PCDH11Y: variants seen among roughly 807,000 people sequenced by gnomAD.
PCDH11Y encodes the protein protocadherin-11 Y-linked.
For synonymous variants in PCDH11Y, 9 were observed against 83.6 expected (o/e 0.11, Z 4.87); for missense variants, 12 against 224.8 (o/e 0.05, Z 6.05).
intron 2 of PCDH11Y, among the ~76,000 whole-genome samples, chrY:5,261,131 T>C (rs2053017744): frequency 3.0e-5 from 1 of 33,156 alleles, no homozygotes; most frequent in Non-Finnish European, 7.4e-5. Flanking sequence ...CCTCGTGGAA[T>C]TGTAAGTCCA....
At chrY:5,511,135 AG>A (rs2053364706) in intron 3 of PCDH11Y, among the ~76,000 whole-genome samples, 1 of 32,829 alleles carries the variant, frequency 3.0e-5, no homozygotes, top group African/African-American at 1.2e-4. Context: ...CTTCTATAAA[AG>A]CTACTTTTAC....
chrY:5,099,157 A>T, exon 2 of PCDH11Y: 1 of 399,121 alleles, frequency 2.5e-6, no homozygotes, highest in Non-Finnish European at 3.5e-6. Flanking sequence ...GGATGCAGAC[A>T]GTGGGCCTAA....
At chrY:5,459,203 G>A in intron 2 of PCDH11Y, among the ~76,000 whole-genome samples, 2 of 32,096 alleles carry the variant, frequency 6.2e-5, no homozygotes, top group Admixed American at 2.9e-4. Context: ...ATGTTTACTA[G>A]TTCTTTTCTA....
exon 5 of PCDH11Y, chrY:5,739,238 T>A (rs1602966119): frequency 3.0e-5 from 1 of 32,917 alleles, no homozygotes; most frequent in African/African-American, 1.2e-4. Context: ...AAATCTCATA[T>A]ATGAAATAAA....
At chrY:5,350,086 T>C (rs2053156183) in intron 2 of PCDH11Y, among the ~76,000 whole-genome samples, 1 of 32,664 alleles carries the variant, frequency 3.1e-5, no homozygotes, top group Non-Finnish European at 7.5e-5. Flanking sequence ...TAGACAATAG[T>C]AATTATTGTG....
intron 3 of PCDH11Y, among the ~76,000 whole-genome samples, chrY:5,047,102 C>T (rs1602849604): frequency 3.1e-5 from 1 of 32,737 alleles, no homozygotes; most frequent in Non-Finnish European, 7.4e-5. Context: ...AGCTGTAGAC[C>T]GGAGCTGTTC....
At chrY:5,562,767 C>CAA (rs1317509689) in intron 3 of PCDH11Y, among the ~76,000 whole-genome samples, 27 of 1,683 alleles carry the variant, frequency 0.016, no homozygotes, top group Admixed American at 0.019. Flanking sequence ...GACTCCGTCT[C>CAA]AAAAAAAAAA....
chrY:5,689,055 A>G, intron 4 of PCDH11Y, among the ~76,000 whole-genome samples: 1 of 29,364 alleles, frequency 3.4e-5, no homozygotes, highest in Non-Finnish European at 8.0e-5. Context: ...AAAATTAGCC[A>G]TATGTGGTGG....
chrY:5,012,215 T>A, intron 1 of PCDH11Y, among the ~76,000 whole-genome samples: 4 of 32,459 alleles, frequency 1.2e-4, no homozygotes, highest in Admixed American at 1.1e-3. Flanking sequence ...GTTTTCTGTA[T>A]TGGTCTGTTC....
intron 2 of PCDH11Y, among the ~76,000 whole-genome samples, chrY:5,320,127 G>A (rs376879854): frequency 8.2e-3 from 268 of 32,661 alleles, no homozygotes; most frequent in African/African-American, 0.029. Context: ...TGATGTTGTC[G>A]TCACTATAGT....
intron 2 of PCDH11Y, among the ~76,000 whole-genome samples, chrY:5,156,893 A>G: frequency 6.4e-5 from 2 of 31,179 alleles, no homozygotes; most frequent in Non-Finnish European, 1.5e-4. Flanking sequence ...GATGTATAAT[A>G]TTACTTTACA....
At chrY:5,715,763 G>A in intron 4 of PCDH11Y, among the ~76,000 whole-genome samples, 7 of 31,292 alleles carry the variant, frequency 2.2e-4, no homozygotes, top group East Asian at 8.3e-4. Context: ...CTCATTCTAC[G>A]AATCTAATAT....
chrY:5,556,121 C>A, intron 3 of PCDH11Y, among the ~76,000 whole-genome samples: 1 of 24,437 alleles, frequency 4.1e-5, no homozygotes, highest in African/African-American at 1.6e-4. Context: ...TTTGAGAAAT[C>A]TCCAAGCTTC....
At chrY:5,243,347 AAGAAC>A (rs2052990822) in intron 2 of PCDH11Y, among the ~76,000 whole-genome samples, 1 of 33,021 alleles carries the variant, frequency 3.0e-5, no homozygotes, top group East Asian at 7.9e-4. Flanking sequence ...GAAAATGAAA[AAGAAC>A]AGTCTCATTG....
At chrY:5,727,040 G>A in intron 4 of PCDH11Y, among the ~76,000 whole-genome samples, 1 of 32,857 alleles carries the variant, frequency 3.0e-5, no homozygotes, top group Non-Finnish European at 7.6e-5. Flanking sequence ...TATCTAATGC[G>A]GAGCTATTAG....
rs1231302562 is a variant in PCDH11Y, at chrY:5,534,607, G to A, written c.3328+33352G>A. On this transcript the variant is annotated intron_variant, in intron 3 of 4. Coordinates refer to the PCDH11Y transcript ENST00000400457. ...TTTTTATCTGGTGTTCCATTGATGG[G>A]CATTTACGTTGGTTCCATGTCTTTG... 4.5e-4 allele frequency among the ~76,000 whole-genome samples: 15 copies of A among 33,049 alleles called. No homozygotes were observed. The East Asian group carries it at 0.012, about 27-fold the overall frequency. The allele number at this position is 33,049 out of a possible 37,273, so 88.7% of individuals were successfully genotyped here.
At chrY:5,364,035 G>T in intron 2 of PCDH11Y, among the ~76,000 whole-genome samples, 1 of 29,137 alleles carries the variant, frequency 3.4e-5, no homozygotes, top group African/African-American at 1.4e-4. Flanking sequence ...TAGAGATGGG[G>T]TTTCGCCATG....
chrY:5,573,706 T>C, intron 3 of PCDH11Y: 3 of 246,553 alleles, frequency 1.2e-5, no homozygotes, highest in Non-Finnish European at 2.0e-5. Flanking sequence ...CGCAAGGTCA[T>C]TGATGACACC....
chrY:5,698,921 A>G, intron 4 of PCDH11Y, among the ~76,000 whole-genome samples: 2 of 33,644 alleles, frequency 5.9e-5, no homozygotes, highest in Admixed American at 5.4e-4. Context: ...GCATTTTTGC[A>G]TTGATTCTTT....
Sources: gnomAD v4.1 joint callset for allele counts (sites outside exome capture counted in the v4.1 genomes callset) on GRCh38, gnomAD v4.1.1 for gene constraint, MANE v1.5 for transcripts, NCBI Gene and HGNC (gene_info 2026-07-23, HGNC 2026-07-21) for gene names.